VWF: variants seen among roughly 807,000 people sequenced by gnomAD.
VWF encodes Factor VIII related antigen.
In VWF, 176 loss-of-function variants were observed where a neutral mutation model predicts 308.6. The ratio of observed to expected loss-of-function variants is 0.57; its 90% CI spans 0.50 to 0.65. The LOEUF is 0.65. Ranked by LOEUF, VWF falls within the 30% of genes least tolerant of loss-of-function variation. The pLI is 0.00. For missense variants in VWF, 3,146 were observed against 3,648.2 expected, an observed-to-expected ratio of 0.86 and a Z score of 3.55; for synonymous variants, 1,385 against 1,443.4, an observed-to-expected ratio of 0.96 and a Z score of 0.92.
intron 3 of VWF, among the ~76,000 whole-genome samples, chr12:6,118,323 C>T (rs1945391432): frequency 6.6e-6 from 1 of 151,194 alleles, no homozygotes; most frequent in Non-Finnish European, 1.5e-5. Context: ...CAGCAATCCA[C>T]CCGCCCCCAC....
At chr12:6,104,980 G>A (rs1945225345) in intron 5 of VWF, among the ~76,000 whole-genome samples, 1 of 152,152 alleles carries the variant, frequency 6.6e-6, no homozygotes, top group African/African-American at 2.4e-5. Context: ...ATTATGTTAA[G>A]TGAAACAAAC....
chr12:6,108,811 C>G (rs987475486), intron 5 of VWF, among the ~76,000 whole-genome samples: 1 of 151,862 alleles, frequency 6.6e-6, no homozygotes, highest in Non-Finnish European at 1.5e-5. Context: ...GAAACCCTGT[C>G]TCTACTAAAA....
At chr12:6,088,835 G>T (rs1945001837) in intron 6 of VWF, among the ~76,000 whole-genome samples, 1 of 152,354 alleles carries the variant, frequency 6.6e-6, no homozygotes, top group Non-Finnish European at 1.5e-5. Flanking sequence ...AAATTTGCAT[G>T]CAATCAAACA....
intron 6 of VWF, among the ~76,000 whole-genome samples, chr12:6,090,645 C>CTCATCT: frequency 6.6e-6 from 1 of 151,416 alleles, no homozygotes; most frequent in East Asian, 2.0e-4. Flanking sequence ...CCTCCTCCTC[C>CTCATCT]TCCTCATCAT....
rs1406448970 is a variant in VWF at position 6,063,848 on chromosome 12, T to C, written c.1432+398A>G. On this transcript the variant is annotated intron_variant, in intron 12 of 51. Transcript: ENST00000261405. This position sits in a 1 kb window ranked among gnomAD's most constrained non-coding sequence, Gnocchi z 4.9. ...TCGCCCCAAGTGGCATCCTCTGGTG[T>C]GACATCACCAGCCACCCCCGATCTC... Among the ~76,000 whole-genome samples, 1 of 152,088 alleles carries C rather than the reference T, an allele frequency of 6.6e-6. No individual in the cohort carries two copies. Among genetic ancestry groups the C allele is most frequent in the Non-Finnish European group, 1.5e-5 (1 of 67,992 alleles).
chr12:5,991,909 G>C lies in VWF; in HGVS notation c.6708C>G (p.Phe2236Leu). 4 of 1,614,242 alleles carry C rather than the reference G, an allele frequency of 2.5e-6. No individual in the cohort carries two copies. The highest frequency in any genetic ancestry group is 3.4e-6 in the Non-Finnish European group (4 of 1,180,048). The change falls in exon 38 of 52, where the codon TTC (phenylalanine) becomes TTG (leucine). Residue 2236 changes from phenylalanine to leucine, a missense_variant. Transcript: ENST00000261405. ...SCGDHPSEGC[F>L]CPPDKVMLEG... ...CCAACATGACTTTATCTGGAGGGCA[G>C]AAACAGCCTTCGGAGGGATGGTCCC...
intron 5 of VWF, among the ~76,000 whole-genome samples, chr12:6,109,566 G>A (rs1448445851): frequency 1.3e-5 from 2 of 152,214 alleles, no homozygotes; most frequent in African/African-American, 4.8e-5. Context: ...GATAACATAT[G>A]TAAGTGTTTA....
intron 41 of VWF, 21 bp downstream of exon 41, chr12:5,983,129 C>T (rs914029641): frequency 6.2e-7 from 1 of 1,610,508 alleles, no homozygotes; most frequent in Non-Finnish European, 8.5e-7. Flanking sequence ...CACCACCCCT[C>T]CTCATCCACA....
intron 42 of VWF, among the ~76,000 whole-genome samples, chr12:5,977,078 A>G (rs2136364500): frequency 6.6e-6 from 1 of 152,352 alleles, no homozygotes; most frequent in East Asian, 1.9e-4. Flanking sequence ...TCAGTCTTCT[A>G]GCTTCTGTAT....
chr12:5,980,042 A>T (rs1253463633), intron 42 of VWF, among the ~76,000 whole-genome samples: 2 of 145,622 alleles, frequency 1.4e-5, no homozygotes, highest in Non-Finnish European at 3.0e-5. Context: ...CTCCATCTCA[A>T]AAAAAAAAAA....
At chr12:6,051,121 T>C (rs578197774) in intron 16 of VWF, among the ~76,000 whole-genome samples, 2 of 152,124 alleles carry the variant, frequency 1.3e-5, no homozygotes, top group African/African-American at 2.4e-5. Context: ...ACAGCTTTTT[T>C]AAAAAACTAT....
intron 13 of VWF, among the ~76,000 whole-genome samples, chr12:6,061,512 G>A (rs1247139422): frequency 6.6e-6 from 1 of 150,860 alleles, no homozygotes; most frequent in African/African-American, 2.4e-5. Flanking sequence ...AATTCCCTCA[G>A]GAGCTCTAAG....
chr12:5,995,970 C>T, intron 35 of VWF, 32 bp downstream of exon 35: 2 of 1,604,418 alleles, frequency 1.2e-6, no homozygotes, highest in Non-Finnish European at 1.7e-6. Context: ...ATTCTATTGC[C>T]TTACCACGGA....
Position 5,956,529 on chromosome 12 carries a change from C to T in VWF, c.7888-2935G>A, listed in dbSNP as rs541394788. 4.9e-4 allele frequency among the ~76,000 whole-genome samples: 75 copies of T among 151,938 alleles called. No homozygotes were observed. In the East Asian group the frequency reaches 5.6e-3, roughly 11 times the overall value. ...AGATAAAAAAATGCCTATAGTTCCA[C>T]CTGTTTGGGAGGCTGAGGCAGGAGG... On this transcript the variant is annotated intron_variant, in intron 47 of 51. Coordinates refer to ENST00000261405, the MANE Select transcript of VWF (RefSeq NM_000552.5).
intron 18 of VWF, among the ~76,000 whole-genome samples, chr12:6,041,254 A>T (rs977834128): frequency 1.1e-4 from 17 of 151,504 alleles, no homozygotes; most frequent in Non-Finnish European, 2.2e-4. Context: ...ACACGGCAAA[A>T]CCCCATCTCT....
chr12:5,959,075 C>A (rs1159199584), intron 47 of VWF, among the ~76,000 whole-genome samples: 2 of 151,954 alleles, frequency 1.3e-5, no homozygotes, highest in African/African-American at 4.8e-5. Flanking sequence ...GACATGGTGG[C>A]ACACACCTCT....
At chr12:5,980,267 G>GGGAGGGAGGGAT in intron 42 of VWF, among the ~76,000 whole-genome samples, 1 of 142,466 alleles carries the variant, frequency 7.0e-6, no homozygotes, top group African/African-American at 2.6e-5. Flanking sequence ...TAGGGAGGGA[G>GGGAGGGAGGGAT]GGAGGAGGAC....
intron 6 of VWF, among the ~76,000 whole-genome samples, chr12:6,081,560 G>C (rs192419275): frequency 6.6e-6 from 1 of 152,172 alleles, no homozygotes; most frequent in Non-Finnish European, 1.5e-5. Context: ...GGATGGCCTC[G>C]ATCTCCTGAC....
intron 10 of VWF, among the ~76,000 whole-genome samples, chr12:6,068,959 C>T (rs947854282): frequency 6.6e-6 from 1 of 151,434 alleles, no homozygotes; most frequent in Non-Finnish European, 1.5e-5. Flanking sequence ...CAGGCTCAAG[C>T]GATCCCCCCA....
Sources: allele counts gnomAD v4.1 joint callset (sites outside exome capture counted in the v4.1 genomes callset), GRCh38; gene constraint gnomAD v4.1.1; non-coding constraint Gnocchi (gnomAD v3.1); transcripts MANE v1.5; gene names NCBI Gene and HGNC (gene_info 2026-07-23, HGNC 2026-07-21).